Variants in MYBPC3 observed in about 807,000 individuals in gnomAD.
MYBPC3 encodes the protein myosin-binding protein C, cardiac-type.
Under a neutral mutation model 159.3 loss-of-function variants are expected in MYBPC3, and 108 were observed. The ratio of observed to expected loss-of-function variants is 0.68; its 90% CI spans 0.58 to 0.80. The LOEUF (loss-of-function observed/expected upper bound fraction) is 0.80. Ranked by LOEUF, MYBPC3 falls within the 30% of genes least tolerant of loss-of-function variation. MYBPC3 has a pLI of 0.00. For synonymous variants in MYBPC3, 730 were observed against 702.0 expected (o/e 1.04, Z -0.63); for missense variants, 1,631 against 1,762.1 (o/e 0.93, Z 1.33).
chr11:47,336,072 C>T, intron 25 of MYBPC3, 61 bp from the exon 26 acceptor site: 2 of 1,367,358 alleles, frequency 1.5e-6, no homozygotes, highest in South Asian at 4.0e-5. Context: ...GAGATCCATG[C>T]CCTAGACTCT....
In MYBPC3 at chr11:47,351,311, C is replaced by T. The variant is rs1555123744; in HGVS notation, c.220G>A (p.Ala74Thr). The T allele has an allele frequency of 6.3e-7, 1 of 1,580,692 alleles. No individual in the cohort carries two copies. Among genetic ancestry groups the T allele is most frequent in the Non-Finnish European group, 8.6e-7 (1 of 1,162,996 alleles). ...HTLTVREVGPADQGSYAVIAG... is the reference protein window; with the variant it reads ...HTLTVREVGPTDQGSYAVIAG... ...ATGACTGCGTAAGATCCCTGGTCGG[C>T]AGGGCCCACTTCCCGCACTGTCAGC... The change falls in exon 2 of 35, where the codon GCC (alanine) becomes ACC (threonine). Residue 74 changes from alanine to threonine, a missense_variant. Coordinates refer to ENST00000545968, the MANE Select transcript of MYBPC3 (RefSeq NM_000256.3). The surrounding 1 kb of genome is among the most constrained non-coding windows in gnomAD (Gnocchi z 4.2).
chr11:47,337,359 G>C, intron 25 of MYBPC3, 32 bp downstream of exon 25: 1 of 1,538,496 alleles, frequency 6.5e-7, no homozygotes. Flanking sequence ...TGGGGAGGGG[G>C]CGGGGGGCAG....
chr11:47,341,866 C>G, intron 18 of MYBPC3, 125 bp downstream of exon 18: 1 of 1,307,232 alleles, frequency 7.6e-7, no homozygotes, highest in Non-Finnish European at 1.1e-6. Flanking sequence ...CAGTCTCTGT[C>G]CTGTCTCTGT....
intron 12 of MYBPC3, among the ~76,000 whole-genome samples, chr11:47,345,042 G>A (rs1044467535): frequency 4.6e-5 from 7 of 152,098 alleles, no homozygotes; most frequent in Non-Finnish European, 1.0e-4. Context: ...CACCTGCCTC[G>A]GCCTCCCAAA....
Position 47,337,936 on chromosome 11 carries a change from T to A in MYBPC3, c.2309-142A>T, listed in dbSNP as rs1286501472. The A allele has an allele frequency of 2.1e-5, 13 of 631,942 alleles. No homozygotes were observed. The South Asian group carries it at 2.7e-4, about 13-fold the overall frequency. 39.1% of individuals were successfully genotyped at this position (631,942 alleles called of 1,614,324 possible). A position where few individuals can be genotyped will look rare whatever the true frequency, so the allele number is the denominator to read the frequency against. On this transcript the variant is annotated intron_variant, in intron 23 of 34. Transcript: ENST00000545968. Reference sequence around the variant, plus strand: ...TCCAAAGAGATCTTTCTAGAATGCATTTCTTTCTTCTTTTCCTTTTTTTTT... The same window carrying A: ...TCCAAAGAGATCTTTCTAGAATGCAATTCTTTCTTCTTTTCCTTTTTTTTT...
chr11:47,337,777 C>T lies in MYBPC3; in HGVS notation c.2326G>A (p.Ala776Thr), dbSNP rs1247018816. ...VKVIDVPDAP[A>T]APKISNVGED... is the part of the protein sequence containing the mutation. ...CCCACGTTGCTGATCTTGGGGGCCG[C>T]AGGTGCGTCTGGCACGTCTGGATGG... The change falls in exon 24 of 35, where the codon GCG becomes ACG. Residue 776 changes from alanine (A) to threonine (T), a missense_variant. By Grantham distance (58) the Ala-to-Thr change is moderately conservative (BLOSUM62 0). Transcript: ENST00000545968. The T allele has an allele frequency of 1.3e-6, 2 of 1,552,284 alleles. No homozygotes were observed. Among genetic ancestry groups the T allele is most frequent in the South Asian group, 1.2e-5 (1 of 84,190 alleles).
rs1057521555 is a variant in MYBPC3, at chr11:47,342,913, G to A, written c.1374C>T (p.Arg458=). 1.2e-6 allele frequency: 2 copies of A among 1,612,218 alleles called. No individual in the cohort carries two copies. Among genetic ancestry groups the A allele is most frequent in the East Asian group, 2.2e-5 (1 of 44,850 alleles). The stretch of plus-strand genomic sequence containing the variant: ...CCATCACCAGCTGGTCCTCCAAGGG[G>A]CGCGTGATGAGCACAGGGGGCTCTG... ...FVKEPPVLIT[R]PLEDQLVMVG... is the part of the protein sequence containing the mutation. The change falls in exon 16 of 35, where the codon CGC becomes CGT. Residue 458 remains arginine, a synonymous_variant. Coordinates refer to ENST00000545968, the MANE Select transcript of MYBPC3 (RefSeq NM_000256.3).
rs2269434 is a variant in MYBPC3, at chr11:47,338,861, T to C, written c.2149-182A>G. On this transcript the variant is annotated intron_variant, in intron 22 of 34. Transcript: ENST00000545968. This position sits in a 1 kb window ranked among gnomAD's most constrained non-coding sequence, Gnocchi z 4.7. The stretch of plus-strand genomic sequence containing the variant: ...CACCGACTGAGGGCAGGGGCTCGGG[T>C]TCTAGCTTTGTCACGGGACCTGGGG... Among the ~76,000 whole-genome samples, 63,921 of 151,738 alleles carry C rather than the reference T, an allele frequency of 0.42. 14,338 individuals carry two copies. The highest frequency in any genetic ancestry group is 0.68 in the East Asian group (3,484 of 5,142).
chr11:47,352,374 G>C (rs1007235201), intron 1 of MYBPC3, among the ~76,000 whole-genome samples: 2 of 152,122 alleles, frequency 1.3e-5, no homozygotes, highest in African/African-American at 2.4e-5. Context: ...TTGACCCCGG[G>C]TGCTTCCTGT....
chr11:47,331,738 G>A lies in MYBPC3; in HGVS notation c.*27-22C>T, dbSNP rs1051320635. The A allele has an allele frequency of 1.6e-5, 19 of 1,159,388 alleles. 1 individual carries two copies. The highest frequency in any genetic ancestry group is 6.0e-5 in the South Asian group (4 of 66,506). The allele number at this position is 1,159,388 out of a possible 1,614,324, so 71.8% of individuals were successfully genotyped here. A position where few individuals can be genotyped will look rare whatever the true frequency, so the allele number is the denominator to read the frequency against. ...GTACCTGCAACACAGGTTATCTTAC[G>A]AGTGAATGGAGGGCCCCTACAGCCT... is the stretch of plus-strand genomic sequence containing the variant. On this transcript the variant is annotated intron_variant, in intron 34 of 34. Coordinates refer to ENST00000545968, the MANE Select transcript of MYBPC3 (RefSeq NM_000256.3).
intron 20 of MYBPC3, among the ~76,000 whole-genome samples, chr11:47,340,176 T>C (rs2095886974): frequency 6.6e-6 from 1 of 150,470 alleles, no homozygotes; most frequent in South Asian, 2.1e-4. Flanking sequence ...CATACACACA[T>C]GCACACACAG....
In MYBPC3 at chr11:47,332,832, C is replaced by T. The variant is rs542350927; in HGVS notation, c.3472G>A (p.Val1158Ile). The change falls in exon 31 of 35, where the codon GTC becomes ATC. Residue 1158 changes from valine to isoleucine, a missense_variant. By Grantham distance (29) the Val-to-Ile change is conservative (BLOSUM62 3). Transcript: ENST00000545968. This position sits in a 1 kb window ranked among gnomAD's most constrained non-coding sequence, Gnocchi z 4.2. ...ACAGCACCTGGTCTGGGGATAAAGA[C>T]GGGCTCCTTGGTGGTGGCCGCTCTG... Reference protein sequence around the residue: ...SDRAATTKEPVFIPRPGITYE... With the variant: ...SDRAATTKEPIFIPRPGITYE... 3.0e-5 allele frequency: 48 copies of T among 1,607,072 alleles called. No homozygotes were observed. The Admixed American group carries it at 6.5e-4, about 22-fold the overall frequency.
intron 28 of MYBPC3, 66 bp from the exon 29 acceptor site, chr11:47,333,818 C>T: frequency 6.5e-7 from 1 of 1,550,178 alleles, no homozygotes; most frequent in Admixed American, 1.9e-5. Flanking sequence ...ACCCCAGCCT[C>T]TGGTACCTCA....
At chr11:47,345,332 T>C (rs956525590) in intron 12 of MYBPC3, among the ~76,000 whole-genome samples, 7 of 152,134 alleles carry the variant, frequency 4.6e-5, no homozygotes, top group Non-Finnish European at 8.8e-5. Context: ...GATGGGGTGA[T>C]GGGAAACCCA....
At chr11:47,334,556 C>T (rs2095880402) in intron 27 of MYBPC3, among the ~76,000 whole-genome samples, 1 of 151,704 alleles carries the variant, frequency 6.6e-6, no homozygotes, top group Non-Finnish European at 1.5e-5. Context: ...CAAGAGAGCC[C>T]TTTCTGCACT....
chr11:47,347,634 G>T lies in MYBPC3; in HGVS notation c.851+17C>A, dbSNP rs544916876. On this transcript the variant is annotated intron_variant, in intron 8 of 34. Transcript: ENST00000545968. ...GGGGTCTGCGGATGGTGCAGGTAGG[G>T]CCTGGGGCAGGGGTACCTGATCCGC... 72 of 1,572,564 alleles carry T rather than the reference G, an allele frequency of 4.6e-5. No homozygotes were observed. The South Asian group carries it at 8.1e-4, about 18-fold the overall frequency.
intron 20 of MYBPC3, among the ~76,000 whole-genome samples, chr11:47,340,623 C>T (rs374638338): frequency 3.9e-5 from 6 of 152,076 alleles, no homozygotes; most frequent in East Asian, 3.9e-4. Flanking sequence ...GCCGAGATCG[C>T]GCCACTTCTC....
rs777539711 is a variant in MYBPC3, at chr11:47,352,594, C to G, written c.25+29G>C. On this transcript the variant is annotated intron_variant, in intron 1 of 34. Transcript: ENST00000545968. ...TTGTAGACACCCCCCTGCTCCCACA[C>G]TTAGACCCAACCCCAGTCCTAAAGC... The G allele has an allele frequency of 2.5e-6, 4 of 1,603,486 alleles. No homozygotes were observed. The Admixed American group carries it at 6.8e-5, about 27-fold the overall frequency.
rs727503178 is a variant in MYBPC3, at chr11:47,333,951, C to T, written c.2965G>A (p.Glu989Lys). Reference protein sequence around the residue: ...LRQTIQKKVGEPVNLLIPFQG... With the variant: ...LRQTIQKKVGKPVNLLIPFQG... Reference sequence around the variant, plus strand: ...AAAGGGATGAGAAGGTTCACAGGCTCCCCGACCTTCTTCTGAATGGTCTGG... The same window carrying T: ...AAAGGGATGAGAAGGTTCACAGGCTTCCCGACCTTCTTCTGAATGGTCTGG... Residue 989 changes from glutamate to lysine, a missense_variant, in exon 28 of 35, where the codon GAG becomes AAG. Transcript: ENST00000545968. 2.5e-6 allele frequency: 4 copies of T among 1,582,332 alleles called. No homozygotes were observed. The highest frequency in any genetic ancestry group is 1.3e-5 in the African/African-American group (1 of 74,328).
Sources: gnomAD v4.1 joint callset for allele counts (sites outside exome capture counted in the v4.1 genomes callset) on GRCh38, gnomAD v4.1.1 for gene constraint, Gnocchi (gnomAD v3.1) non-coding constraint, MANE v1.5 for transcripts, NCBI Gene and HGNC (gene_info 2026-07-23, HGNC 2026-07-21) for gene names.